ADCY2: variants seen among roughly 807,000 people sequenced by gnomAD.
The protein encoded by ADCY2 is adenylate cyclase 2.
Under a neutral mutation model 125.2 loss-of-function variants are expected in ADCY2, and 31 were observed. The ratio of observed to expected loss-of-function variants is 0.25; its 90% confidence interval spans 0.19 to 0.33. ADCY2 has a LOEUF of 0.33. ADCY2 is among the 10% of genes least tolerant of loss of function. The pLI, the probability that ADCY2 is intolerant of heterozygous loss-of-function variation, is 1.00. For synonymous variants in ADCY2, 512 were observed against 548.4 expected (o/e 0.93, Z 0.93); for missense variants, 904 against 1,418.2 (o/e 0.64, Z 5.82).
chr5:7,475,521 A>G (rs1742491727), intron 2 of ADCY2, among the ~76,000 whole-genome samples: 1 of 152,060 alleles, frequency 6.6e-6, no homozygotes, highest in African/African-American at 2.4e-5. Flanking sequence ...ATCTGGGATT[A>G]CAGGCACGCG....
intron 4 of ADCY2, among the ~76,000 whole-genome samples, chr5:7,640,280 A>T (rs1178969023): frequency 2.0e-5 from 3 of 152,202 alleles, no homozygotes; most frequent in African/African-American, 7.2e-5. Context: ...GGGTCAGTAA[A>T]AAAAGGCAAA....
At chr5:7,715,624 A>G (rs181954664) in intron 11 of ADCY2, among the ~76,000 whole-genome samples, 38 of 152,260 alleles carry the variant, frequency 2.5e-4, no homozygotes, top group African/African-American at 8.4e-4. Flanking sequence ...TGGTATGCTA[A>G]AACCTCTTAA....
intron 20 of ADCY2, chr5:7,795,590 T>G (rs1744394275): frequency 6.6e-6 from 1 of 152,264 alleles, no homozygotes. Flanking sequence ...TCAGCCCCTT[T>G]GTGTGGGTTG....
intron 3 of ADCY2, among the ~76,000 whole-genome samples, chr5:7,562,584 A>C (rs962516062): frequency 3.9e-5 from 6 of 152,176 alleles, no homozygotes; most frequent in African/African-American, 1.4e-4. Flanking sequence ...ATTTCTTTGA[A>C]TCATTTCCAT....
At chr5:7,422,994 G>A (rs1017512605) in intron 2 of ADCY2, among the ~76,000 whole-genome samples, 1 of 152,148 alleles carries the variant, frequency 6.6e-6, no homozygotes, top group African/African-American at 2.4e-5. Flanking sequence ...GCCTGTCTCT[G>A]TGCACCCAAG....
intron 3 of ADCY2, among the ~76,000 whole-genome samples, chr5:7,545,912 G>A (rs75286571): frequency 0.016 from 2,451 of 152,216 alleles, 64 homozygotes; most frequent in African/African-American, 0.056. Flanking sequence ...AGTTGTCTGC[G>A]CTGGGTGTGT....
intron 2 of ADCY2, among the ~76,000 whole-genome samples, chr5:7,511,280 A>G (rs1744046642): frequency 6.6e-6 from 1 of 152,222 alleles, no homozygotes; most frequent in South Asian, 2.1e-4. Context: ...CAATAATGAT[A>G]TAAAGAATGT....
At chr5:7,816,836 T>C in intron 22 of ADCY2, 30 bp from the exon 23 acceptor site, 1 of 1,581,442 alleles carries the variant, frequency 6.3e-7, no homozygotes. Context: ...ATGCTCTAAC[T>C]TCCATCTGCC....
intron 2 of ADCY2, among the ~76,000 whole-genome samples, chr5:7,491,788 T>C (rs140023240): frequency 1.3e-3 from 199 of 152,336 alleles, no homozygotes; most frequent in African/African-American, 4.6e-3. Flanking sequence ...TCTTTAATGA[T>C]TACTATTTCC....
chr5:7,645,926 A>T (rs878857285), intron 4 of ADCY2, among the ~76,000 whole-genome samples: 1 of 152,242 alleles, frequency 6.6e-6, no homozygotes, highest in Admixed American at 6.5e-5. Context: ...AACATCTTAA[A>T]AATACTTAAG....
chr5:7,725,759 A>G (rs1741910548), intron 13 of ADCY2, among the ~76,000 whole-genome samples: 1 of 152,234 alleles, frequency 6.6e-6, no homozygotes, highest in Non-Finnish European at 1.5e-5. Flanking sequence ...AGTGCATAGA[A>G]TGTAATCACA....
At chr5:7,503,382 A>G (rs908142838) in intron 2 of ADCY2, among the ~76,000 whole-genome samples, 3 of 152,214 alleles carry the variant, frequency 2.0e-5, no homozygotes, top group African/African-American at 4.8e-5. Flanking sequence ...TAGAGGTGAC[A>G]ATGAGAAACC....
chr5:7,611,746 T>G (rs1226161307), intron 3 of ADCY2, among the ~76,000 whole-genome samples: 1 of 152,158 alleles, frequency 6.6e-6, no homozygotes, highest in African/African-American at 2.4e-5. Flanking sequence ...GCTGAAAAAG[T>G]GTGTGTGAAG....
At chr5:7,805,183 G>A (rs918903203) in intron 22 of ADCY2, among the ~76,000 whole-genome samples, 2 of 151,992 alleles carry the variant, frequency 1.3e-5, no homozygotes, top group African/African-American at 4.8e-5. Context: ...ATAGCCAGGT[G>A]TGGTAGCATG....
chr5:7,477,095 G>A (rs141607179), intron 2 of ADCY2, among the ~76,000 whole-genome samples: 73 of 151,974 alleles, frequency 4.8e-4, no homozygotes, highest in Middle Eastern at 3.4e-3. Context: ...ACATTACCTC[G>A]CTCTTGTTCT....
At chr5:7,824,953 A>G (rs1745418886) in intron 24 of ADCY2, among the ~76,000 whole-genome samples, 1 of 152,154 alleles carries the variant, frequency 6.6e-6, no homozygotes, top group East Asian at 1.9e-4. Flanking sequence ...TGCTGTTGAC[A>G]CGGCCCCCAC....
chr5:7,406,938 G>A (rs1250471042), intron 1 of ADCY2, among the ~76,000 whole-genome samples: 2 of 152,178 alleles, frequency 1.3e-5, no homozygotes, highest in African/African-American at 4.8e-5. Flanking sequence ...CTTTAAGCCT[G>A]TATGGGAAAC....
At chr5:7,505,037 C>A (rs1743754946) in intron 2 of ADCY2, among the ~76,000 whole-genome samples, 1 of 151,742 alleles carries the variant, frequency 6.6e-6, no homozygotes, top group Admixed American at 6.6e-5. Flanking sequence ...ACCACCATGC[C>A]TTTCTGTGGC....
intron 2 of ADCY2, among the ~76,000 whole-genome samples, chr5:7,447,339 C>G (rs1741302276): frequency 6.6e-6 from 1 of 152,224 alleles, no homozygotes; most frequent in Non-Finnish European, 1.5e-5. Context: ...GCTATTCCTG[C>G]CCCTCAGAGG....
Sources: gnomAD v4.1 joint callset for allele counts (sites outside exome capture counted in the v4.1 genomes callset) on GRCh38, gnomAD v4.1.1 for gene constraint, MANE v1.5 for transcripts, NCBI Gene and HGNC (gene_info 2026-07-23, HGNC 2026-07-21) for gene names.